The following SEMA6D variants were observed in gnomAD, a reference collection of about 807,000 sequenced individuals.
SEMA6D encodes the protein semaphorin-6D.
Under a neutral mutation model 106.6 loss-of-function variants are expected in SEMA6D, and 35 were observed. The observed-to-expected ratio is 0.33, with a 90% CI of 0.25 to 0.44. The LOEUF is 0.44. Among genes scored for constraint, SEMA6D ranks in the 20% least tolerant of loss-of-function variants. SEMA6D has a pLI of 1.00. For synonymous variants in SEMA6D, 499 were observed against 487.7 expected, an observed-to-expected ratio of 1.02 and a Z score of -0.31; for missense variants, 1,185 against 1,345.9, an observed-to-expected ratio of 0.88 and a Z score of 1.87.
intron 1 of SEMA6D, among the ~76,000 whole-genome samples, chr15:47,372,519 T>C (rs1433142917): frequency 6.6e-6 from 1 of 152,198 alleles, no homozygotes; most frequent in Non-Finnish European, 1.5e-5. Context: ...GAGCTCCCTA[T>C]TTAGCTCACC....
chr15:47,479,972 C>G (rs534653968), intron 3 of SEMA6D, among the ~76,000 whole-genome samples: 5 of 149,326 alleles, frequency 3.3e-5, no homozygotes, highest in Non-Finnish European at 7.4e-5. Flanking sequence ...CTCGAGCAAT[C>G]CTCCCACCTC....
At chr15:47,603,423 C>T (rs1046920913) in intron 4 of SEMA6D, 2 of 152,162 alleles carry the variant, frequency 1.3e-5, no homozygotes, top group Non-Finnish European at 1.5e-5. Flanking sequence ...AAGCAACTCT[C>T]ACTGAAGTGT....
At chr15:47,605,030 G>T (rs548661317) in intron 4 of SEMA6D, among the ~76,000 whole-genome samples, 6 of 152,244 alleles carry the variant, frequency 3.9e-5, no homozygotes, top group Middle Eastern at 6.8e-3. Context: ...ATCTACTGCT[G>T]TGTAACCAAT....
At chr15:47,715,256 G>A (rs2079089207), upstream of SEMA6D, among the ~76,000 whole-genome samples, 1 of 152,102 alleles carries the variant, frequency 6.6e-6, no homozygotes, top group African/African-American at 2.4e-5. Flanking sequence ...GGGAGAGGGG[G>A]GAGTTAGACT....
At chr15:47,570,745 G>C (rs2046359016) in intron 3 of SEMA6D, among the ~76,000 whole-genome samples, 1 of 152,190 alleles carries the variant, frequency 6.6e-6, no homozygotes, top group African/African-American at 2.4e-5. Flanking sequence ...CTCAATGCAA[G>C]ACAAATCAGG....
chr15:47,470,600 GTTTGA>G (rs2042806847), intron 3 of SEMA6D: 1 of 152,016 alleles, frequency 6.6e-6, no homozygotes. Context: ...TGATACTGCT[GTTTGA>G]TTTAAGTTTG....
chr15:47,765,652 G>C (rs1316792524), intron 13 of SEMA6D, among the ~76,000 whole-genome samples: 1 of 152,106 alleles, frequency 6.6e-6, no homozygotes, highest in Non-Finnish European at 1.5e-5. Flanking sequence ...ATCATAACAG[G>C]AAAGCAATGT....
intron 1 of SEMA6D, 79 bp downstream of exon 1, chr15:47,717,771 G>C (rs1236970549): frequency 7.2e-6 from 1 of 139,482 alleles, no homozygotes; most frequent in Non-Finnish European, 1.5e-5. Flanking sequence ...GAATCGCTGT[G>C]TGTGTGTGTG....
At chr15:47,665,286 T>C (rs1245022868) in intron 4 of SEMA6D, among the ~76,000 whole-genome samples, 1 of 152,214 alleles carries the variant, frequency 6.6e-6, no homozygotes, top group Non-Finnish European at 1.5e-5. Context: ...CTACGTTTAA[T>C]TGTTCTAAAC....
intron 1 of SEMA6D, among the ~76,000 whole-genome samples, chr15:47,386,347 ACAT>A (rs2039839469): frequency 6.6e-6 from 1 of 152,016 alleles, no homozygotes; most frequent in African/African-American, 2.4e-5. Flanking sequence ...GCAGAAGGAG[ACAT>A]CATAAGCTAC....
At chr15:47,324,839 C>G (rs1252061300) in intron 1 of SEMA6D, among the ~76,000 whole-genome samples, 1 of 151,954 alleles carries the variant, frequency 6.6e-6, no homozygotes, top group East Asian at 1.9e-4. Context: ...GTAAGATACA[C>G]TGTTCTGTAT....
chr15:47,219,244 T>C lies in SEMA6D; in HGVS notation c.-239+34826T>C, dbSNP rs79511370. Among the ~76,000 whole-genome samples the C allele has an allele frequency of 4.5e-3, 681 of 152,292 alleles. 3 individuals are homozygous for C. Among genetic ancestry groups the C allele is most frequent in the African/African-American group, 0.016 (660 of 41,574 alleles). ...GCTGGATGGAGTTGGGAGTGGACTT[T>C]CACTGTCTCAACATGCTCACCACTC... On this transcript the variant is annotated intron_variant, in intron 1 of 19. Coordinates refer to the SEMA6D transcript ENST00000558014.
At chr15:47,210,549 C>T (rs192179231) in intron 1 of SEMA6D, among the ~76,000 whole-genome samples, 3 of 151,484 alleles carry the variant, frequency 2.0e-5, no homozygotes, top group Admixed American at 6.6e-5. Context: ...CTGAGGTGGG[C>T]GGATCACGAG....
chr15:47,502,082 C>T (rs1596169503), intron 3 of SEMA6D, among the ~76,000 whole-genome samples: 1 of 152,042 alleles, frequency 6.6e-6, no homozygotes, highest in Admixed American at 6.6e-5. Context: ...TTAGCATCCA[C>T]GCTAACAACA....
chr15:47,303,744 C>T (rs918895231), intron 1 of SEMA6D, among the ~76,000 whole-genome samples: 2 of 152,072 alleles, frequency 1.3e-5, no homozygotes, highest in Non-Finnish European at 1.5e-5. Context: ...AAACCTTCCA[C>T]GAATGATGAC....
At chr15:47,385,590 A>T (rs1384481146) in intron 1 of SEMA6D, among the ~76,000 whole-genome samples, 1 of 152,186 alleles carries the variant, frequency 6.6e-6, no homozygotes, top group African/African-American at 2.4e-5. Context: ...CTCAAAGCGT[A>T]CAGGTCCAGA....
chr15:47,587,439 A>G (rs564477193), intron 3 of SEMA6D, among the ~76,000 whole-genome samples: 1 of 152,342 alleles, frequency 6.6e-6, no homozygotes, highest in Non-Finnish European at 1.5e-5. Flanking sequence ...CCCTAAATCT[A>G]TACATATCTT....
In SEMA6D at chr15:47,243,765, A is replaced by G. The variant is rs185507702; in HGVS notation, c.-239+59347A>G. Among the ~76,000 whole-genome samples, 413 of 152,222 alleles carry G rather than the reference A, an allele frequency of 2.7e-3. 4 individuals carry two copies. Among genetic ancestry groups the G allele is most frequent in the Middle Eastern group, 0.01 (3 of 294 alleles). ...CTTTCTTGGGAAAAGAAAGCAATAG[A>G]TATGTTGAGTGTTCTTGTTGAGTGC... On this transcript the variant is annotated intron_variant, in intron 1 of 19. Coordinates refer to the SEMA6D transcript ENST00000558014.
At chr15:47,590,947 T>C (rs367554716) in intron 3 of SEMA6D, among the ~76,000 whole-genome samples, 1 of 152,208 alleles carries the variant, frequency 6.6e-6, no homozygotes, top group Non-Finnish European at 1.5e-5. Context: ...GAATCTCTCA[T>C]ACAATTGCAA....
Sources: allele counts gnomAD v4.1 joint callset (sites outside exome capture counted in the v4.1 genomes callset), GRCh38; gene constraint gnomAD v4.1.1; transcripts MANE v1.5; gene names NCBI Gene and HGNC (gene_info 2026-07-23, HGNC 2026-07-21).